The following AMPH variants were observed in gnomAD, a reference collection of about 807,000 sequenced individuals.
AMPH encodes the protein amphiphysin (Stiff-Mann syndrome with breast cancer 128kD autoantigen).
Under a neutral mutation model 99.1 loss-of-function variants are expected in AMPH, and 49 were observed. That is an observed-to-expected ratio of 0.49 (90% CI 0.39 to 0.63). The LOEUF is 0.63. Ranked by LOEUF, AMPH falls within the 20% of genes least tolerant of loss-of-function variation. The pLI is 0.00. For missense variants in AMPH, 759 were observed against 863.4 expected (o/e 0.88, Z 1.52); for synonymous variants, 314 against 317.3 (o/e 0.99, Z 0.11).
At chr7:38,526,454 T>TTC (rs1554353335) in intron 2 of AMPH, among the ~76,000 whole-genome samples, 5 of 147,710 alleles carry the variant, frequency 3.4e-5, no homozygotes, top group African/African-American at 7.5e-5. Flanking sequence ...TTTTTTTTTT[T>TTC]CAGTAGAGAC....
intron 1 of AMPH, among the ~76,000 whole-genome samples, chr7:38,577,157 T>A (rs1792275980): frequency 6.6e-6 from 1 of 152,166 alleles, no homozygotes; most frequent in Non-Finnish European, 1.5e-5. Flanking sequence ...TATTATAATT[T>A]TTCTAAAAAC....
chr7:38,599,658 G>T (rs1037204074), intron 1 of AMPH, among the ~76,000 whole-genome samples: 1 of 151,906 alleles, frequency 6.6e-6, no homozygotes, highest in South Asian at 2.1e-4. Context: ...AAGGGTCAAC[G>T]GTAAATATAT....
intron 2 of AMPH, 37 bp downstream of exon 2, chr7:38,534,894 C>A: frequency 6.4e-7 from 1 of 1,571,108 alleles, no homozygotes; most frequent in African/African-American, 1.4e-5. Flanking sequence ...CACATTTAAA[C>A]AATTTCCCAC....
At chr7:38,498,905 CTGTT>C (rs1469301385) in intron 3 of AMPH, among the ~76,000 whole-genome samples, 1 of 152,166 alleles carries the variant, frequency 6.6e-6, no homozygotes, top group Admixed American at 6.5e-5. Flanking sequence ...TCTCACTGCT[CTGTT>C]TGTTCCCTCA....
At chr7:38,577,666 GGAAA>G (rs1197136980) in intron 1 of AMPH, among the ~76,000 whole-genome samples, 6 of 150,262 alleles carry the variant, frequency 4.0e-5, no homozygotes, top group African/African-American at 1.2e-4. Context: ...GAGGGAGGAA[GGAAA>G]GAAAGAAAAA....
At chr7:38,419,515 A>T (rs912212140) in intron 16 of AMPH, among the ~76,000 whole-genome samples, 4 of 152,228 alleles carry the variant, frequency 2.6e-5, no homozygotes, top group African/African-American at 4.8e-5. Context: ...TAAAATTCAC[A>T]CTAATATGCT....
chr7:38,417,711 T>TA, intron 17 of AMPH, 114 bp downstream of exon 17: 2 of 1,374,382 alleles, frequency 1.5e-6, no homozygotes, highest in East Asian at 4.7e-5. Flanking sequence ...CTACGACAGA[T>TA]ATGGAGCATG....
At chr7:38,461,465 C>G (rs2302611) in intron 10 of AMPH, 54 bp from the exon 11 acceptor site, 2 of 1,608,766 alleles carry the variant, frequency 1.2e-6, no homozygotes, top group Admixed American at 1.7e-5. Flanking sequence ...GTGTCAGACA[C>G]GAAGAAAGGT....
At chr7:38,397,965 C>T (rs1018031981) in intron 17 of AMPH, among the ~76,000 whole-genome samples, 11 of 152,036 alleles carry the variant, frequency 7.2e-5, no homozygotes, top group African/African-American at 2.7e-4. Context: ...GATCTCATCT[C>T]ACCCCAGTTA....
At chr7:38,500,336 C>T (rs1225028271) in intron 3 of AMPH, among the ~76,000 whole-genome samples, 1 of 152,072 alleles carries the variant, frequency 6.6e-6, no homozygotes, top group Non-Finnish European at 1.5e-5. Context: ...TTTGGAGCAT[C>T]GCTTGTTAAC....
chr7:38,441,471 G>C (rs1471832652), intron 11 of AMPH, among the ~76,000 whole-genome samples: 2 of 151,836 alleles, frequency 1.3e-5, no homozygotes, highest in African/African-American at 4.8e-5. Context: ...GCAGTATTCT[G>C]GGTCATCAAA....
intron 17 of AMPH, among the ~76,000 whole-genome samples, chr7:38,406,349 A>G (rs531627949): frequency 4.1e-4 from 62 of 152,106 alleles, no homozygotes; most frequent in Admixed American, 7.9e-4. Context: ...TAGCAGAAGA[A>G]AAGACATAAC....
chr7:38,615,467 G>A (rs911663417), intron 1 of AMPH, among the ~76,000 whole-genome samples: 3 of 152,142 alleles, frequency 2.0e-5, no homozygotes, highest in Non-Finnish European at 4.4e-5. Context: ...TGGAATGAAC[G>A]TGCCCCCTTC....
At chr7:38,492,594 A>C (rs1364479120) in intron 4 of AMPH, among the ~76,000 whole-genome samples, 1 of 152,184 alleles carries the variant, frequency 6.6e-6, no homozygotes, top group African/African-American at 2.4e-5. Flanking sequence ...ATTTAAATCC[A>C]CTGTTTAGAA....
intron 1 of AMPH, among the ~76,000 whole-genome samples, chr7:38,592,975 ACTT>A (rs766735769): frequency 6.6e-6 from 1 of 152,128 alleles, no homozygotes; most frequent in African/African-American, 2.4e-5. Context: ...TCCTCTTGTA[ACTT>A]CTTCTGAACC....
intron 2 of AMPH, among the ~76,000 whole-genome samples, chr7:38,525,132 GTA>G (rs765158414): frequency 1.3e-5 from 2 of 150,820 alleles, no homozygotes; most frequent in South Asian, 4.2e-4. Flanking sequence ...GTGTGTGTGT[GTA>G]TATATATAGT....
chr7:38,593,655 G>C (rs10247773), intron 1 of AMPH, among the ~76,000 whole-genome samples: 126,368 of 152,246 alleles, frequency 0.83, 52,968 homozygotes, highest in African/African-American at 0.91. Flanking sequence ...ACTTTCATTC[G>C]TTCATCAACA....
intron 1 of AMPH, among the ~76,000 whole-genome samples, chr7:38,594,473 T>C (rs914018883): frequency 2.6e-5 from 4 of 152,162 alleles, no homozygotes; most frequent in African/African-American, 9.6e-5. Flanking sequence ...TTCCATGTGA[T>C]CTATTAACAA....
At chr7:38,481,846 C>G (rs1220578860) in intron 5 of AMPH, among the ~76,000 whole-genome samples, 1 of 152,060 alleles carries the variant, frequency 6.6e-6, no homozygotes, top group Non-Finnish European at 1.5e-5. Context: ...AAATACTCCA[C>G]CGAGTATTCT....
Sources: gnomAD v4.1 joint callset for allele counts (sites outside exome capture counted in the v4.1 genomes callset) on GRCh38, gnomAD v4.1.1 for gene constraint, MANE v1.5 for transcripts, NCBI Gene and HGNC (gene_info 2026-07-23, HGNC 2026-07-21) for gene names.